Variants in DLC1 observed in about 807,000 individuals in gnomAD.
DLC1 encodes the protein rho GTPase-activating protein 7.
Under a neutral mutation model 140.3 loss-of-function variants are expected in DLC1, and 54 were observed. The observed-to-expected ratio is 0.38, with a 90% CI of 0.31 to 0.48. The LOEUF is 0.48. Ranked by LOEUF, DLC1 falls within the 20% of genes least tolerant of loss-of-function variation. The pLI is 0.96. For synonymous variants in DLC1, 986 were observed against 728.1 expected (o/e 1.35, Z -5.70); for missense variants, 2,536 against 1,907.0 (o/e 1.33, Z -6.14).
intron 5 of DLC1, among the ~76,000 whole-genome samples, chr8:13,129,040 T>C (rs1821854854): frequency 6.8e-6 from 1 of 147,522 alleles, no homozygotes; most frequent in Non-Finnish European, 1.5e-5. Flanking sequence ...TAACACAAGG[T>C]CCCACAGAAG....
intron 6 of DLC1, among the ~76,000 whole-genome samples, chr8:13,112,209 C>T (rs1820175069): frequency 6.6e-6 from 1 of 152,124 alleles, no homozygotes; most frequent in Non-Finnish European, 1.5e-5. Flanking sequence ...TAATGCCACA[C>T]AGTGGAACAG....
At chr8:13,098,141 C>T (rs1439846337) in intron 10 of DLC1, among the ~76,000 whole-genome samples, 1 of 151,238 alleles carries the variant, frequency 6.6e-6, no homozygotes. Context: ...GGGAGAATCG[C>T]TAGAGCCCAG....
At chr8:13,565,713 C>CA (rs551272148) in intron 1 of DLC1, among the ~76,000 whole-genome samples, 1 of 152,012 alleles carries the variant, frequency 6.6e-6, no homozygotes. Context: ...GAGAGAGAGA[C>CA]AAAACTGAGA....
At chr8:13,457,790 C>T (rs1368098365) in intron 2 of DLC1, among the ~76,000 whole-genome samples, 1 of 151,796 alleles carries the variant, frequency 6.6e-6, no homozygotes, top group African/African-American at 2.4e-5. Context: ...CCCGATGATC[C>T]CTGCCCCACC....
chr8:13,265,757 C>G (rs1245676261), intron 5 of DLC1, among the ~76,000 whole-genome samples: 1 of 150,914 alleles, frequency 6.6e-6, no homozygotes, highest in Non-Finnish European at 1.5e-5. Context: ...CCTTTCCTCC[C>G]TCCCTCATTC....
At chr8:13,594,655 C>A (rs922609259) in intron 1 of DLC1, among the ~76,000 whole-genome samples, 1 of 152,034 alleles carries the variant, frequency 6.6e-6, no homozygotes, top group African/African-American at 2.4e-5. Flanking sequence ...AGACAATATC[C>A]TGAAAACCTT....
intron 4 of DLC1, among the ~76,000 whole-genome samples, chr8:13,361,643 C>A (rs1671424): frequency 0.48 from 73,145 of 151,792 alleles, 18,365 homozygotes; most frequent in East Asian, 0.81. Context: ...TTTAAAAAGT[C>A]CCCTTTACAT....
chr8:13,443,444 G>A (rs1271430091), intron 2 of DLC1, among the ~76,000 whole-genome samples: 4 of 151,244 alleles, frequency 2.6e-5, no homozygotes, highest in Non-Finnish European at 5.9e-5. Context: ...AGGATCATAA[G>A]GTCAGGAGAT....
chr8:13,504,763 GAA>G (rs1012608242), intron 1 of DLC1, among the ~76,000 whole-genome samples: 2 of 152,104 alleles, frequency 1.3e-5, no homozygotes, highest in African/African-American at 4.8e-5. Flanking sequence ...AAAATTATAT[GAA>G]AAGTCTTACT....
intron 5 of DLC1, among the ~76,000 whole-genome samples, chr8:13,248,192 C>T (rs562482079): frequency 6.6e-6 from 1 of 152,198 alleles, no homozygotes; most frequent in African/African-American, 2.4e-5. Flanking sequence ...CTCCCCTTCT[C>T]TTCCCAGCCC....
chr8:13,349,977 G>A (rs192741329), intron 4 of DLC1, among the ~76,000 whole-genome samples: 36 of 152,238 alleles, frequency 2.4e-4, no homozygotes, highest in Admixed American at 7.2e-4. Context: ...CATACAATGG[G>A]GGATATGGCT....
In DLC1 at chr8:13,562,566, A is replaced by G. The variant is rs767944698; in HGVS notation, c.-126+41971T>C. Among the ~76,000 whole-genome samples, 167 of 152,238 alleles carry G rather than the reference A, an allele frequency of 1.1e-3. 3 individuals are homozygous for G. The highest frequency in any genetic ancestry group is 3.7e-4 in the Non-Finnish European group (25 of 68,016). ...TTGGCAAGAATCCATACATTTGAGA[A>G]CATACCCTGCTGGCCAGGCTTTTGG... On this transcript the variant is annotated intron_variant, in intron 1 of 1. Transcript: ENST00000631382.
At chr8:13,120,822 T>C (rs1821000483) in intron 5 of DLC1, among the ~76,000 whole-genome samples, 1 of 152,134 alleles carries the variant, frequency 6.6e-6, no homozygotes, top group Non-Finnish European at 1.5e-5. Context: ...CATTAGGCCA[T>C]ATTTGCACAT....
In DLC1 at chr8:13,576,713, A is replaced by G. The variant is rs566135736; in HGVS notation, c.-126+27824T>C. The stretch of plus-strand genomic sequence containing the variant: ...TGCGTGTCCTCAGTGAGTGTGTCAA[A>G]TGAATCTCCCCAGAGTAGGGTATGA... On this transcript the variant is annotated intron_variant, in intron 1 of 1. Transcript: ENST00000631382. Among the ~76,000 whole-genome samples, 6 of 152,226 alleles carry G rather than the reference A, an allele frequency of 3.9e-5. No individual in the cohort carries two copies. The South Asian group carries it at 1.0e-3, about 26-fold the overall frequency.
intron 1 of DLC1, among the ~76,000 whole-genome samples, chr8:13,508,034 C>T (rs1802180832): frequency 6.6e-6 from 1 of 152,138 alleles, no homozygotes; most frequent in South Asian, 2.1e-4. Context: ...TGAAAGTTAA[C>T]TCTTTCAATC....
intron 4 of DLC1, among the ~76,000 whole-genome samples, chr8:13,374,291 C>G (rs1302889480): frequency 7.6e-6 from 1 of 132,188 alleles, no homozygotes; most frequent in Non-Finnish European, 1.6e-5. Flanking sequence ...CATGCCAAAT[C>G]CATCTCAAAT....
chr8:13,464,324 C>G (rs1447612649), intron 2 of DLC1, among the ~76,000 whole-genome samples: 1 of 152,088 alleles, frequency 6.6e-6, no homozygotes. Flanking sequence ...TCCTCTTGAC[C>G]ATGTGTTAGT....
chr8:13,498,952 A>T, intron 2 of DLC1, 97 bp downstream of exon 2: 1 of 1,399,262 alleles, frequency 7.1e-7, no homozygotes, highest in African/African-American at 1.4e-5. Context: ...CAAAAGAACC[A>T]TCTTCATATC....
chr8:13,140,675 A>G (rs549782198), intron 5 of DLC1, among the ~76,000 whole-genome samples: 1 of 152,164 alleles, frequency 6.6e-6, no homozygotes. Context: ...TTATTAATTT[A>G]TGATAAAAAT....
Sources: allele counts gnomAD v4.1 joint callset (sites outside exome capture counted in the v4.1 genomes callset), GRCh38; gene constraint gnomAD v4.1.1; transcripts MANE v1.5; gene names NCBI Gene and HGNC (gene_info 2026-07-23, HGNC 2026-07-21).